CDK13: variants seen among roughly 807,000 people sequenced by gnomAD.
CDK13 encodes cyclin-dependent kinase 13.
In CDK13, 40 loss-of-function variants were observed where a neutral mutation model predicts 137.6. The ratio of observed to expected loss-of-function variants is 0.29; its 90% CI spans 0.23 to 0.38. The LOEUF is 0.38. CDK13 is among the 10% of genes least tolerant of loss of function. CDK13 has a pLI of 1.00. For synonymous variants in CDK13, 869 were observed against 760.1 expected, an observed-to-expected ratio of 1.14 and a Z score of -2.36; for missense variants, 1,704 against 1,951.8, an observed-to-expected ratio of 0.87 and a Z score of 2.39.
intron 5 of CDK13, among the ~76,000 whole-genome samples, chr7:40,043,839 AAAAAG>A (rs202129108): frequency 0.083 from 12,520 of 149,976 alleles, 803 homozygotes; most frequent in East Asian, 0.32. Flanking sequence ...CTCAAAAAAA[AAAAAG>A]AAAAGAAAAA....
chr7:40,028,698 A>G (rs981338685), intron 5 of CDK13, among the ~76,000 whole-genome samples: 2 of 152,220 alleles, frequency 1.3e-5, no homozygotes, highest in South Asian at 2.1e-4. Context: ...ACTTTTATTG[A>G]ATTTTAAATC....
chr7:40,003,206 A>ACACTCTCTCTCTCT (rs374470130), intron 5 of CDK13, among the ~76,000 whole-genome samples: 27 of 79,894 alleles, frequency 3.4e-4, no homozygotes, highest in African/African-American at 3.8e-4. Context: ...ACACACACAC[A>ACACTCTCTCTCTCT]CTCTCTCTCT....
At chr7:39,998,427 G>A (rs1423757962) in intron 3 of CDK13, 1 of 121,686 alleles carries the variant, frequency 8.2e-6, no homozygotes, top group Non-Finnish European at 1.6e-5. Flanking sequence ...GCAACACAGG[G>A]AGACCCCATC....
chr7:39,966,823 T>C (rs1783882842), intron 1 of CDK13, among the ~76,000 whole-genome samples: 1 of 152,158 alleles, frequency 6.6e-6, no homozygotes, highest in African/African-American at 2.4e-5. Flanking sequence ...TTAGCTTTCC[T>C]TCTAACAGTC....
At chr7:40,020,555 G>A (rs1785095552) in intron 5 of CDK13, among the ~76,000 whole-genome samples, 1 of 152,158 alleles carries the variant, frequency 6.6e-6, no homozygotes, top group African/African-American at 2.4e-5. Context: ...AATGTTAACA[G>A]TGATTGCATT....
intron 1 of CDK13, among the ~76,000 whole-genome samples, chr7:39,955,947 TAAG>T (rs1346330464): frequency 6.6e-6 from 1 of 152,036 alleles, no homozygotes; most frequent in African/African-American, 2.4e-5. Flanking sequence ...TATGGAATAA[TAAG>T]AACCTAAGAA....
chr7:40,087,441 C>G (rs1786813404), intron 11 of CDK13, among the ~76,000 whole-genome samples: 1 of 151,902 alleles, frequency 6.6e-6, no homozygotes, highest in African/African-American at 2.4e-5. Context: ...CTGTGCCTGG[C>G]TGGAAATGGC....
intron 2 of CDK13, among the ~76,000 whole-genome samples, chr7:39,992,189 T>TGC (rs1562716946): frequency 6.6e-6 from 1 of 151,638 alleles, no homozygotes; most frequent in East Asian, 2.0e-4. Flanking sequence ...TGTGTGTGTG[T>TGC]GTGTGTGTGT....
At chr7:39,970,071 C>T (rs893507528) in intron 1 of CDK13, among the ~76,000 whole-genome samples, 2 of 141,678 alleles carry the variant, frequency 1.4e-5, no homozygotes, top group African/African-American at 5.4e-5. Flanking sequence ...CAGGCATGTT[C>T]TCAGCTCACT....
intron 11 of CDK13, among the ~76,000 whole-genome samples, chr7:40,081,986 G>A (rs936665590): frequency 1.3e-5 from 2 of 152,170 alleles, no homozygotes; most frequent in African/African-American, 4.8e-5. Flanking sequence ...AGAGAGGGCT[G>A]AGATTTTTTT....
chr7:40,076,693 A>C (rs1786552018), intron 9 of CDK13, among the ~76,000 whole-genome samples: 1 of 151,980 alleles, frequency 6.6e-6, no homozygotes, highest in African/African-American at 2.4e-5. Context: ...TCAGTGACAT[A>C]CGGCTTTAAA....
Position 39,951,567 on chromosome 7 carries a change from C to T in CDK13, c.926C>T (p.Ala309Val), listed in dbSNP as rs746519649. ...AYREDKTEPK[A>V]YRRRRSLSPL... ...CGGGAGGACAAGACCGAGCCTAAGG[C>T]CTACAGGCGGCGGCGGTCCCTCAGC... The change falls in exon 1 of 14, where the codon GCC (alanine) becomes GTC (valine). Residue 309 changes from alanine (A) to valine (V), a missense_variant. Ala to Val is a moderately conservative substitution (Grantham distance 64). Coordinates refer to ENST00000181839, the MANE Select transcript of CDK13 (RefSeq NM_003718.5). 3.9e-6 allele frequency: 6 copies of T among 1,523,896 alleles called. No individual in the cohort carries two copies. The highest frequency in any genetic ancestry group is 2.8e-5 in the African/African-American group (2 of 70,898). 94.4% of individuals were successfully genotyped at this position (1,523,896 alleles called of 1,614,324 possible). A position where few individuals can be genotyped will look rare whatever the true frequency, so the allele number is the denominator to read the frequency against.
chr7:39,960,076 CTT>C (rs11367509), intron 1 of CDK13, among the ~76,000 whole-genome samples: 143 of 139,100 alleles, frequency 1.0e-3, no homozygotes, highest in African/African-American at 2.1e-3. Flanking sequence ...AAAGTTTTTT[CTT>C]TTTTTTTTTT....
At chr7:40,076,097 T>C (rs1474675674) in intron 9 of CDK13, among the ~76,000 whole-genome samples, 2 of 152,272 alleles carry the variant, frequency 1.3e-5, no homozygotes, top group Admixed American at 1.3e-4. Context: ...TTAAGTTTTC[T>C]TGTATTTCTG....
Position 39,959,380 on chromosome 7 carries a change from C to T in CDK13, c.1211+7528C>T, listed in dbSNP as rs187053069. Among the ~76,000 whole-genome samples the T allele has an allele frequency of 1.6e-4, 25 of 151,772 alleles. No homozygotes were observed. The East Asian group carries it at 3.9e-3, about 24-fold the overall frequency. ...TTTTCCATGTTGGTCAGACTGGTCT[C>T]GAACTCCTGGCCTCAGGTGATCCAC... On this transcript the variant is annotated intron_variant, in intron 1 of 13. Coordinates refer to ENST00000181839, the MANE Select transcript of CDK13 (RefSeq NM_003718.5).
At chr7:40,081,616 G>A (rs1053996595) in intron 11 of CDK13, among the ~76,000 whole-genome samples, 2 of 151,988 alleles carry the variant, frequency 1.3e-5, no homozygotes, top group African/African-American at 2.4e-5. Context: ...TAAATTTCAC[G>A]TTTCCTGTGA....
chr7:40,049,653 A>T (rs1276161694), intron 7 of CDK13, among the ~76,000 whole-genome samples: 2 of 152,194 alleles, frequency 1.3e-5, no homozygotes, highest in Admixed American at 1.3e-4. Flanking sequence ...TATTAAGTGT[A>T]GCTGCCAAGT....
At chr7:40,010,945 TAAAA>T (rs1784881834) in intron 5 of CDK13, among the ~76,000 whole-genome samples, 1 of 152,120 alleles carries the variant, frequency 6.6e-6, no homozygotes, top group Non-Finnish European at 1.5e-5. Context: ...AATAAATTGA[TAAAA>T]GAAGTGCAAG....
intron 5 of CDK13, among the ~76,000 whole-genome samples, chr7:40,035,517 C>T (rs1303373892): frequency 6.6e-6 from 1 of 152,034 alleles, no homozygotes; most frequent in East Asian, 1.9e-4. Flanking sequence ...AGCACAAACC[C>T]TATTGTGAAC....
Sources: gnomAD v4.1 joint callset for allele counts (sites outside exome capture counted in the v4.1 genomes callset) on GRCh38, gnomAD v4.1.1 for gene constraint, MANE v1.5 for transcripts, NCBI Gene and HGNC (gene_info 2026-07-23, HGNC 2026-07-21) for gene names.